ENTREP1: variants seen among roughly 807,000 people sequenced by gnomAD.
ENTREP1 encodes the protein endosomal transmembrane epsin interactor 1.
chr9:69,352,669 C>A, the ENTREP1 span, among the ~76,000 whole-genome samples: 41 of 152,180 alleles, frequency 2.7e-4, no homozygotes, highest in Admixed American at 1.3e-3. Flanking sequence ...TCCAGAAGGT[C>A]TGTCTCTAGA....
At chr9:69,384,124 G>A in the ENTREP1 span, 7 of 800,468 alleles carry the variant, frequency 8.7e-6, no homozygotes, top group Admixed American at 2.1e-5. Flanking sequence ...TTGGGAGGCC[G>A]AGGTGGGAGG....
chr9:69,382,784 C>T, the ENTREP1 span: 2 of 153,818 alleles, frequency 1.3e-5, no homozygotes, highest in Non-Finnish European at 2.9e-5. Context: ...CTGCAAGCAA[C>T]TAGCCCCAGA....
the ENTREP1 span, among the ~76,000 whole-genome samples, chr9:69,346,688 C>T: frequency 6.6e-6 from 1 of 152,144 alleles, no homozygotes; most frequent in Non-Finnish European, 1.5e-5. Context: ...CCGCTAATGG[C>T]ATTTATTAGA....
the ENTREP1 span, among the ~76,000 whole-genome samples, chr9:69,368,096 G>A: frequency 6.6e-6 from 1 of 151,580 alleles, no homozygotes; most frequent in Middle Eastern, 3.2e-3. Context: ...GTCTTTTGGG[G>A]GAGTCTTTAG....
At chr9:69,357,251 C>T in the ENTREP1 span, among the ~76,000 whole-genome samples, 2 of 152,122 alleles carry the variant, frequency 1.3e-5, no homozygotes, top group African/African-American at 4.8e-5. Flanking sequence ...TTCACTAGGA[C>T]TAAGCAACTC....
the ENTREP1 span, among the ~76,000 whole-genome samples, chr9:69,348,176 G>A: frequency 8.5e-5 from 13 of 152,170 alleles, no homozygotes; most frequent in Non-Finnish European, 1.3e-4. Flanking sequence ...GTGCAGTGGC[G>A]CGGACACAGC....
the ENTREP1 span, chr9:69,388,135 A>C: frequency 9.1e-5 from 147 of 1,614,098 alleles, no homozygotes; most frequent in East Asian, 2.3e-3. Context: ...CAATGGGTAC[A>C]TGTTGTTTGT....
the ENTREP1 span, chr9:69,386,012 G>A: frequency 1.9e-4 from 277 of 1,486,736 alleles, 3 homozygotes; most frequent in African/African-American, 3.2e-3. Flanking sequence ...GCCAGGTGAA[G>A]GCAGGTGGCT....
At chr9:69,371,261 A>AAG in the ENTREP1 span, 1 of 532,306 alleles carries the variant, frequency 1.9e-6, no homozygotes, top group Non-Finnish European at 3.4e-6. Context: ...ATTATTTTCA[A>AAG]AGAGAGAAAA....
chr9:69,353,651 TTTC>T, the ENTREP1 span, among the ~76,000 whole-genome samples: 1 of 152,222 alleles, frequency 6.6e-6, no homozygotes, highest in Non-Finnish European at 1.5e-5. Flanking sequence ...TCAAATAACT[TTTC>T]TTAATCAAAA....
At chr9:69,382,914 A>G in the ENTREP1 span, 1 of 476,442 alleles carries the variant, frequency 2.1e-6, no homozygotes, top group Non-Finnish European at 2.7e-6. Context: ...AGCAGAATGC[A>G]GGTGTTCTGG....
the ENTREP1 span, chr9:69,384,032 G>A: frequency 8.9e-6 from 14 of 1,581,448 alleles, no homozygotes; most frequent in African/African-American, 1.7e-4. Context: ...CAAGGTAATA[G>A]ATACATTGTG....
chr9:69,366,381 TG>T, the ENTREP1 span, among the ~76,000 whole-genome samples: 96 of 100,272 alleles, frequency 9.6e-4, 1 homozygote, highest in East Asian at 1.4e-3. Context: ...TAATTCCAAC[TG>T]GGGTTTTTTT....
At chr9:69,354,742 A>T in the ENTREP1 span, among the ~76,000 whole-genome samples, 1 of 152,174 alleles carries the variant, frequency 6.6e-6, no homozygotes, top group African/African-American at 2.4e-5. Flanking sequence ...GGTGGTAGGT[A>T]TTTCCAACAG....
At chr9:69,358,967 G>A in the ENTREP1 span, among the ~76,000 whole-genome samples, 4 of 134,002 alleles carry the variant, frequency 3.0e-5, no homozygotes, top group East Asian at 6.6e-4. Flanking sequence ...GCAGCAGCAC[G>A]ATCTCGGCTG....
chr9:69,325,172 T>G, the ENTREP1 span: 1 of 1,027,450 alleles, frequency 9.7e-7, no homozygotes, highest in Non-Finnish European at 1.2e-6. Context: ...GGTTGGGCCG[T>G]GCGCATTTCC....
chr9:69,371,375 G>C, the ENTREP1 span: 1 of 817,170 alleles, frequency 1.2e-6, no homozygotes, highest in Non-Finnish European at 2.2e-6. Context: ...TTGAAAACAC[G>C]GTTCTGATCT....
At chr9:69,335,906 C>T in the ENTREP1 span, among the ~76,000 whole-genome samples, 2 of 48,916 alleles carry the variant, frequency 4.1e-5, no homozygotes, top group Admixed American at 2.2e-4. Context: ...ATCACCAGAG[C>T]CCAGAAAGTC....
the ENTREP1 span, among the ~76,000 whole-genome samples, chr9:69,362,157 G>A: frequency 6.6e-6 from 1 of 152,150 alleles, no homozygotes; most frequent in Non-Finnish European, 1.5e-5. Context: ...TCTTGAGATT[G>A]GAGCAGTGGG....
Sources: gnomAD v4.1 joint callset for allele counts (sites outside exome capture counted in the v4.1 genomes callset) on GRCh38, gnomAD v4.1.1 for gene constraint, MANE v1.5 for transcripts, NCBI Gene and HGNC (gene_info 2026-07-23, HGNC 2026-07-21) for gene names.